Variants in GRIP1 observed in about 807,000 individuals in gnomAD.
GRIP1 encodes the protein glutamate receptor-interacting protein 1.
Under a neutral mutation model 129.9 loss-of-function variants are expected in GRIP1, and 45 were observed. That is an observed-to-expected ratio of 0.35 (90% CI 0.27 to 0.44). The LOEUF is 0.44. GRIP1 is among the 20% of genes least tolerant of loss of function. The pLI is 1.00. For synonymous variants in GRIP1, 530 were observed against 520.8 expected (o/e 1.02, Z -0.24); for missense variants, 1,196 against 1,396.8 (o/e 0.86, Z 2.29).
chr12:66,427,286 T>C (rs938751062), intron 14 of GRIP1, among the ~76,000 whole-genome samples: 5 of 152,116 alleles, frequency 3.3e-5, no homozygotes, highest in South Asian at 4.1e-4. Context: ...CTTTGAAAAA[T>C]CTTATATTGT....
intron 1 of GRIP1, among the ~76,000 whole-genome samples, chr12:66,697,938 A>G (rs1167230465): frequency 6.6e-6 from 1 of 152,242 alleles, no homozygotes; most frequent in Non-Finnish European, 1.5e-5. Flanking sequence ...TCCTCTTGTT[A>G]TCGATCTGGA....
At chr12:66,455,587 C>A (rs752701449) in intron 10 of GRIP1, 23 bp from the exon 11 acceptor site, 1 of 1,611,162 alleles carries the variant, frequency 6.2e-7, no homozygotes, top group Non-Finnish European at 8.5e-7. Flanking sequence ...GAAGACGTTG[C>A]ACAGAGCACT....
chr12:67,039,715 T>C (rs1303957992), intron 1 of GRIP1, among the ~76,000 whole-genome samples: 1 of 152,190 alleles, frequency 6.6e-6, no homozygotes, highest in African/African-American at 2.4e-5. Flanking sequence ...TCTTTCTAGA[T>C]AAATGAAAAC....
At chr12:66,460,900 T>G (rs2059117149) in intron 9 of GRIP1, among the ~76,000 whole-genome samples, 1 of 152,250 alleles carries the variant, frequency 6.6e-6, no homozygotes, top group Admixed American at 6.5e-5. Context: ...GGAGCCAAAA[T>G]TTATTTCCTC....
At chr12:66,557,720 T>C (rs2062383257) in intron 2 of GRIP1, among the ~76,000 whole-genome samples, 1 of 152,108 alleles carries the variant, frequency 6.6e-6, no homozygotes, top group Non-Finnish European at 1.5e-5. Context: ...GAATGACCAA[T>C]GGGTCAATGA....
intron 2 of GRIP1, among the ~76,000 whole-genome samples, chr12:66,546,723 C>T (rs2061958584): frequency 6.6e-6 from 1 of 152,126 alleles, no homozygotes; most frequent in Non-Finnish European, 1.5e-5. Context: ...CAGAGTTTCA[C>T]ACCTTGTATA....
chr12:66,617,463 C>T (rs1239074635), intron 1 of GRIP1, among the ~76,000 whole-genome samples: 1 of 151,848 alleles, frequency 6.6e-6, no homozygotes, highest in African/African-American at 2.4e-5. Flanking sequence ...ACTAATTTAG[C>T]AATATGAATG....
chr12:66,633,215 G>GTT (rs2030998318), intron 1 of GRIP1, among the ~76,000 whole-genome samples: 2 of 143,680 alleles, frequency 1.4e-5, no homozygotes, highest in Admixed American at 7.0e-5. Context: ...ATATGTGTGT[G>GTT]TATATATATA....
chr12:66,354,097 A>C (rs1375694324), intron 23 of GRIP1, among the ~76,000 whole-genome samples: 1 of 152,090 alleles, frequency 6.6e-6, no homozygotes, highest in Non-Finnish European at 1.5e-5. Context: ...CACTATGTAA[A>C]AGACCTGAAT....
intron 1 of GRIP1, among the ~76,000 whole-genome samples, chr12:66,753,443 G>C (rs1311818375): frequency 6.6e-6 from 1 of 152,184 alleles, no homozygotes; most frequent in African/African-American, 2.4e-5. Context: ...GTGGCACGCA[G>C]TCACCTTCCA....
chr12:66,641,393 G>A (rs1052188213), intron 1 of GRIP1, among the ~76,000 whole-genome samples: 5 of 152,190 alleles, frequency 3.3e-5, no homozygotes, highest in African/African-American at 1.2e-4. Flanking sequence ...ATTGGGGGAG[G>A]AAGGGGTGGG....
At chr12:66,908,055 GA>G (rs1227423288) in intron 1 of GRIP1, among the ~76,000 whole-genome samples, 1 of 152,118 alleles carries the variant, frequency 6.6e-6, no homozygotes, top group Non-Finnish European at 1.5e-5. Context: ...GAAATTTTAA[GA>G]ACTTTGTTAA....
At chr12:66,667,372 T>G (rs2033853145) in intron 1 of GRIP1, among the ~76,000 whole-genome samples, 2 of 152,188 alleles carry the variant, frequency 1.3e-5, no homozygotes, top group Non-Finnish European at 2.9e-5. Flanking sequence ...AATATTCACT[T>G]GAATGCTTCT....
At chr12:66,955,438 T>G (rs2041824376) in intron 1 of GRIP1, among the ~76,000 whole-genome samples, 1 of 152,110 alleles carries the variant, frequency 6.6e-6, no homozygotes, top group South Asian at 2.1e-4. Context: ...CATCCAAATA[T>G]TTCCATTTAT....
In GRIP1 at chr12:66,394,187, AAC is replaced by A. The variant is rs771718238; in HGVS notation, c.2129+19_2129+20del. ...GCCCGTCTCAGACACAGGTAATTAT[AAC>A]AGTTACTTCAAATTTTACCTTTCAG... On this transcript the variant is annotated intron_variant, in intron 17 of 24. Transcript: ENST00000359742. 4 of 1,608,820 alleles carry A rather than the reference AAC, an allele frequency of 2.5e-6. No individual in the cohort carries two copies. The highest frequency in any genetic ancestry group is 3.3e-5 in the Admixed American group (2 of 59,992).
At chr12:66,566,716 AT>A in intron 2 of GRIP1, among the ~76,000 whole-genome samples, 1 of 152,306 alleles carries the variant, frequency 6.6e-6, no homozygotes, top group Middle Eastern at 3.4e-3. Context: ...TGTTGTTTGT[AT>A]CCCTGGTAAA....
At chr12:66,970,100 C>A (rs2042050999) in intron 1 of GRIP1, among the ~76,000 whole-genome samples, 1 of 152,062 alleles carries the variant, frequency 6.6e-6, no homozygotes, top group Non-Finnish European at 1.5e-5. Flanking sequence ...TTTGTTGAGA[C>A]AGGGTCTTAC....
intron 1 of GRIP1, among the ~76,000 whole-genome samples, chr12:66,902,360 CT>C (rs1200369893): frequency 6.6e-6 from 1 of 152,116 alleles, no homozygotes; most frequent in Non-Finnish European, 1.5e-5. Flanking sequence ...ACTTTTGTTC[CT>C]TTACAATGTG....
intron 1 of GRIP1, among the ~76,000 whole-genome samples, chr12:66,641,163 T>C (rs2031890040): frequency 6.6e-6 from 1 of 152,240 alleles, no homozygotes; most frequent in Non-Finnish European, 1.5e-5. Flanking sequence ...TTCACTTAAG[T>C]ATGCCAGGCT....
Sources: gnomAD v4.1 joint callset for allele counts (sites outside exome capture counted in the v4.1 genomes callset) on GRCh38, gnomAD v4.1.1 for gene constraint, MANE v1.5 for transcripts, NCBI Gene and HGNC (gene_info 2026-07-23, HGNC 2026-07-21) for gene names.